Variants in CSMD1 observed in about 807,000 individuals in gnomAD.
The protein encoded by CSMD1 is CUB and Sushi multiple domains 1, also known as CUB and sushi domain-containing protein 1.
CSMD1 carries 213 observed loss-of-function variants against 417.5 expected under a neutral mutation model. The observed-to-expected ratio is 0.51, with a 90% CI of 0.46 to 0.57. CSMD1 has a LOEUF of 0.57. Among genes scored for constraint, CSMD1 ranks in the 20% least tolerant of loss-of-function variants. The pLI is 0.00. For missense variants in CSMD1, 6,923 were observed against 4,529.7 expected (o/e 1.53, Z -15.17); for synonymous variants, 2,862 against 1,736.8 (o/e 1.65, Z -16.11).
chr8:3,621,287 G>C (rs1373971846), intron 7 of CSMD1, among the ~76,000 whole-genome samples: 4 of 152,178 alleles, frequency 2.6e-5, no homozygotes, highest in Non-Finnish European at 5.9e-5. Flanking sequence ...AGGAGGCGTT[G>C]AATAGTAAGT....
intron 7 of CSMD1, among the ~76,000 whole-genome samples, chr8:3,684,985 G>A (rs762112148): frequency 2.0e-5 from 3 of 152,100 alleles, no homozygotes; most frequent in African/African-American, 7.2e-5. Flanking sequence ...AAGTCAATAC[G>A]GGAATCAATA....
intron 25 of CSMD1, among the ~76,000 whole-genome samples, chr8:3,304,747 T>A (rs1484123760): frequency 4.6e-5 from 7 of 152,198 alleles, no homozygotes; most frequent in Non-Finnish European, 1.0e-4. Context: ...ATTTTTTTTA[T>A]TAAAATGTTA....
At chr8:4,018,689 G>C (rs751678387) in intron 4 of CSMD1, among the ~76,000 whole-genome samples, 13 of 152,194 alleles carry the variant, frequency 8.5e-5, no homozygotes, top group South Asian at 4.1e-4. Flanking sequence ...TCAATTTTAA[G>C]TTAGGTTCTT....
At position 4,029,554 on chromosome 8, in the gene CSMD1, A is replaced by G. The variant is rs142778816; in HGVS notation, c.610+2351T>C. 1.0e-2 allele frequency among the ~76,000 whole-genome samples: 1,522 copies of G among 152,240 alleles called. 30 individuals carry two copies. Among genetic ancestry groups the G allele is most frequent in the African/African-American group, 0.035 (1,453 of 41,530 alleles). Reference sequence around the variant, plus strand: ...AGGAAAGAACTGCCTCCATGGTTCAATTACCTCCCACTGGCTTCCTCCCAC... The same window carrying G: ...AGGAAAGAACTGCCTCCATGGTTCAGTTACCTCCCACTGGCTTCCTCCCAC... On this transcript the variant is annotated intron_variant, in intron 4 of 69. Coordinates refer to ENST00000635120, the MANE Select transcript of CSMD1 (RefSeq NM_033225.6).
In CSMD1 at chr8:3,635,965, T is replaced by A. The variant is rs554664380; in HGVS notation, c.1010-19168A>T. On this transcript the variant is annotated intron_variant, in intron 7 of 69. Coordinates refer to ENST00000635120, the MANE Select transcript of CSMD1 (RefSeq NM_033225.6). ...TTGGCTTTATAAACTTCTATTTAGC[T>A]TTTGGCTCTTTTGTAATAACACTTA... Among the ~76,000 whole-genome samples the A allele has an allele frequency of 7.2e-5, 11 of 152,276 alleles. No individual in the cohort carries two copies. In the South Asian group the frequency reaches 2.3e-3, roughly 32 times the overall value.
chr8:3,327,414 T>G (rs2584222), intron 23 of CSMD1, among the ~76,000 whole-genome samples: 4 of 152,022 alleles, frequency 2.6e-5, no homozygotes, highest in Non-Finnish European at 5.9e-5. Flanking sequence ...ATTACAGGCA[T>G]GAGCCACCTC....
chr8:4,827,045 C>G (rs1379323), intron 1 of CSMD1, among the ~76,000 whole-genome samples: 6 of 151,878 alleles, frequency 4.0e-5, no homozygotes, highest in Non-Finnish European at 8.8e-5. Context: ...CCATGGATGG[C>G]TAACAGACTA....
intron 5 of CSMD1, among the ~76,000 whole-genome samples, chr8:3,760,155 T>G (rs754697369): frequency 2.1e-4 from 32 of 152,108 alleles, no homozygotes; most frequent in African/African-American, 7.7e-4. Context: ...TAAGGGAATT[T>G]TGACATGCCC....
At chr8:4,832,781 G>T (rs1800230216) in intron 1 of CSMD1, among the ~76,000 whole-genome samples, 1 of 152,120 alleles carries the variant, frequency 6.6e-6, no homozygotes, top group Non-Finnish European at 1.5e-5. Flanking sequence ...ATTAAAAAGT[G>T]GACCCAGAGA....
At chr8:4,720,055 G>A (rs963332506) in intron 1 of CSMD1, among the ~76,000 whole-genome samples, 1 of 151,942 alleles carries the variant, frequency 6.6e-6, no homozygotes, top group Non-Finnish European at 1.5e-5. Flanking sequence ...AATTATTCCT[G>A]TGGTGAGGCT....
intron 3 of CSMD1, among the ~76,000 whole-genome samples, chr8:4,140,527 G>C (rs1014509895): frequency 2.1e-4 from 32 of 150,844 alleles, no homozygotes; most frequent in Non-Finnish European, 1.3e-4. Flanking sequence ...AATTAGCTGA[G>C]TGTGGTGGTG....
At chr8:4,349,219 G>A (rs1800947621) in intron 3 of CSMD1, among the ~76,000 whole-genome samples, 2 of 152,146 alleles carry the variant, frequency 1.3e-5, no homozygotes, top group Admixed American at 6.6e-5. Flanking sequence ...ACTATAAGAA[G>A]GGCTTGTTTG....
intron 2 of CSMD1, among the ~76,000 whole-genome samples, chr8:4,522,755 C>T (rs1355198899): frequency 3.3e-5 from 5 of 152,142 alleles, no homozygotes; most frequent in Non-Finnish European, 5.9e-5. Context: ...AGTTGGACTC[C>T]ATCCTTCATG....
At chr8:3,197,950 T>C (rs112687654) in intron 33 of CSMD1, among the ~76,000 whole-genome samples, 195 of 152,288 alleles carry the variant, frequency 1.3e-3, no homozygotes, top group African/African-American at 4.5e-3. Flanking sequence ...ATAAACACAC[T>C]AGTAGGAGCA....
intron 3 of CSMD1, among the ~76,000 whole-genome samples, chr8:4,127,120 G>C (rs1310352495): frequency 6.6e-6 from 1 of 151,998 alleles, no homozygotes; most frequent in East Asian, 1.9e-4. Flanking sequence ...TTCACCCAGA[G>C]AAATGCTTCT....
At chr8:3,220,859 G>C (rs1034219928) in intron 28 of CSMD1, among the ~76,000 whole-genome samples, 1 of 151,914 alleles carries the variant, frequency 6.6e-6, no homozygotes, top group Non-Finnish European at 1.5e-5. Flanking sequence ...AACCAACCAA[G>C]CAACCAACCA....
intron 2 of CSMD1, among the ~76,000 whole-genome samples, chr8:4,626,792 G>A (rs895857263): frequency 2.0e-5 from 3 of 152,174 alleles, no homozygotes; most frequent in African/African-American, 2.4e-5. Flanking sequence ...CTGAAGCCCT[G>A]TGCAGAGTTC....
intron 1 of CSMD1, among the ~76,000 whole-genome samples, chr8:4,667,226 T>C (rs1358743168): frequency 6.6e-6 from 1 of 152,192 alleles, no homozygotes; most frequent in Non-Finnish European, 1.5e-5. Flanking sequence ...TCTATCATGT[T>C]TTCCAATACC....
At position 3,153,332 on chromosome 8, in the gene CSMD1, C is replaced by A. The variant is rs112219667; in HGVS notation, c.5915-1819G>T. On this transcript the variant is annotated intron_variant, in intron 39 of 69. Transcript: ENST00000635120. Reference sequence around the variant, plus strand: ...AAGAAACAACCATAAAAATGGGCAACCAGCAGCCCTCGGGGCTGCTCTGTC... The same window carrying A: ...AAGAAACAACCATAAAAATGGGCAAACAGCAGCCCTCGGGGCTGCTCTGTC... Among the ~76,000 whole-genome samples the A allele has an allele frequency of 5.7e-3, 862 of 152,320 alleles. 2 individuals are homozygous for A. The highest frequency in any genetic ancestry group is 0.048 in the Middle Eastern group (14 of 294).
Sources: allele counts gnomAD v4.1 joint callset (sites outside exome capture counted in the v4.1 genomes callset), GRCh38; gene constraint gnomAD v4.1.1; transcripts MANE v1.5; gene names NCBI Gene and HGNC (gene_info 2026-07-23, HGNC 2026-07-21).